TRPM2: variants seen among roughly 807,000 people sequenced by gnomAD.
TRPM2 encodes estrogen-responsive element-associated gene 1 protein.
In TRPM2, 161 loss-of-function variants were observed where a neutral mutation model predicts 174.0. The observed-to-expected ratio is 0.93, with a 90% CI of 0.81 to 1.05. TRPM2 has a LOEUF of 1.05. Among genes scored for constraint, TRPM2 ranks in the 50% least tolerant of loss-of-function variants. TRPM2 has a pLI of 0.00. For synonymous variants in TRPM2, 954 were observed against 861.3 expected, an observed-to-expected ratio of 1.11 and a Z score of -1.88; for missense variants, 2,057 against 2,038.0, an observed-to-expected ratio of 1.01 and a Z score of -0.18.
At chr21:44,408,143 C>G (rs1312943925) in intron 19 of TRPM2, among the ~76,000 whole-genome samples, 3 of 151,908 alleles carry the variant, frequency 2.0e-5, no homozygotes, top group African/African-American at 4.8e-5. Flanking sequence ...GATGGGGTTT[C>G]ACCATGTTGG....
At chr21:44,361,101 A>T (rs749030187) in intron 2 of TRPM2, among the ~76,000 whole-genome samples, 1 of 152,144 alleles carries the variant, frequency 6.6e-6, no homozygotes, top group Non-Finnish European at 1.5e-5. Context: ...TTCCCTCAGC[A>T]CAGCGCACTT....
rs1016110945 is a variant in TRPM2 at position 44,430,176 on chromosome 21, A to T, written c.3974+3065A>T. Among the ~76,000 whole-genome samples the T allele has an allele frequency of 2.6e-5, 4 of 152,304 alleles. No homozygotes were observed. In the South Asian group the frequency reaches 6.2e-4, roughly 24 times the overall value. ...TTACTAACATTTTACTTAAGATTTT[A>T]AAAAATCTGTGTTCAAAAGTGGAAT... On this transcript the variant is annotated intron_variant, in intron 27 of 31. Coordinates refer to ENST00000397928, the MANE Select transcript of TRPM2 (RefSeq NM_003307.4).
chr21:44,395,183 G>C (rs1322286824), intron 11 of TRPM2, among the ~76,000 whole-genome samples: 1 of 152,254 alleles, frequency 6.6e-6, no homozygotes, highest in African/African-American at 2.4e-5. Flanking sequence ...TGGTAAAGGA[G>C]TTAGACGGGC....
rs748349650 is a variant in TRPM2, at chr21:44,400,255, G to T, written c.2209-4G>T. The T allele has an allele frequency of 3.1e-6, 5 of 1,610,888 alleles. No homozygotes were observed. The highest frequency in any genetic ancestry group is 1.3e-5 in the African/African-American group (1 of 74,902). ...TGCCATCCTGAGACTGCCCCCATCC[G>T]CAGGCCTTCCTGACCAAGGTGTGGT... On this transcript the variant is annotated splice_polypyrimidine_tract_variant and splice_region_variant and intron_variant, in intron 14 of 31. Coordinates refer to ENST00000397928, the MANE Select transcript of TRPM2 (RefSeq NM_003307.4).
chr21:44,393,128 C>T (rs563910291), intron 11 of TRPM2, among the ~76,000 whole-genome samples: 39 of 152,272 alleles, frequency 2.6e-4, no homozygotes, highest in African/African-American at 9.4e-4. Context: ...GCCGTAATCT[C>T]CACCCTGATT....
At chr21:44,423,876 T>G in intron 23 of TRPM2, 144 bp downstream of exon 23, 1 of 717,108 alleles carries the variant, frequency 1.4e-6, no homozygotes, top group Non-Finnish European at 2.4e-6. Flanking sequence ...CATTCCCAGC[T>G]GGAAGAGGCA....
chr21:44,423,683 T>A lies in TRPM2; in HGVS notation c.3500T>A (p.Leu1167Gln). 1.2e-6 allele frequency: 2 copies of A among 1,613,014 alleles called. No homozygotes were observed. The highest frequency in any genetic ancestry group is 1.7e-6 in the Non-Finnish European group (2 of 1,179,842). ...AMVDLLDLDP[L>Q]KRSGSMEQRL... ...GTGGACCTGCTGGACCTGGACCCAC[T>A]GAAGAGGTCGGGCTCCATGGAGCAG... The change falls in exon 23 of 32, where the codon CTG (leucine) becomes CAG (glutamine). Residue 1167 changes from leucine to glutamine, a missense_variant. By Grantham distance (113) the Leu-to-Gln change is moderately radical (BLOSUM62 -2). Coordinates refer to ENST00000397928, the MANE Select transcript of TRPM2 (RefSeq NM_003307.4).
chr21:44,366,670 G>A lies in TRPM2; in HGVS notation c.424-84G>A. The A allele has an allele frequency of 6.3e-7, 1 of 1,590,136 alleles. No homozygotes were observed. Among genetic ancestry groups the A allele is most frequent in the Non-Finnish European group, 8.6e-7 (1 of 1,164,850 alleles). On this transcript the variant is annotated intron_variant, in intron 3 of 31. Transcript: ENST00000397928. The surrounding 1 kb of genome is among the most constrained non-coding windows in gnomAD (Gnocchi z 6.0). ...TGTGCGGTGTCTGCCGCCCGCTGGG[G>A]CCTCTCTGCATGGCCTGTGTGGGTC...
Position 44,405,986 on chromosome 21 carries a change from T to C in TRPM2, c.2739T>C (p.Ile913=), listed in dbSNP as rs1482239926. The C allele has an allele frequency of 6.2e-7, 1 of 1,608,954 alleles. No individual in the cohort carries two copies. Among genetic ancestry groups the C allele is most frequent in the Non-Finnish European group, 8.5e-7 (1 of 1,179,778 alleles). ...FILFCLRLMH[I]FTISKTLGPK... ...TGTTCTGCCTCCGGCTCATGCACAT[T>C]TTTACCATCAGTAAGACGCTGGGGC... Residue 913 remains isoleucine (I), a synonymous_variant, in exon 18 of 32, where the codon ATT becomes ATC. Coordinates refer to ENST00000397928, the MANE Select transcript of TRPM2 (RefSeq NM_003307.4).
intron 23 of TRPM2, among the ~76,000 whole-genome samples, chr21:44,424,574 G>C (rs2050681048): frequency 6.6e-6 from 1 of 152,214 alleles, no homozygotes; most frequent in South Asian, 2.1e-4. Flanking sequence ...GGCTTGTCCA[G>C]TGCAGTGACA....
At chr21:44,402,555 T>G (rs1294570617) in intron 16 of TRPM2, among the ~76,000 whole-genome samples, 1 of 152,050 alleles carries the variant, frequency 6.6e-6, no homozygotes, top group African/African-American at 2.4e-5. Flanking sequence ...GACCTCAGTC[T>G]CCAGCCCTCC....
chr21:44,350,669 G>A (rs2047915054), upstream of TRPM2, among the ~76,000 whole-genome samples: 1 of 146,826 alleles, frequency 6.8e-6, no homozygotes, highest in African/African-American at 2.5e-5. Flanking sequence ...TGCAGGGTGC[G>A]GTGGGGTGCA....
chr21:44,392,325 A>G (rs2049204131), intron 11 of TRPM2, among the ~76,000 whole-genome samples: 1 of 144,454 alleles, frequency 6.9e-6, no homozygotes, highest in Admixed American at 6.9e-5. Flanking sequence ...TGGTGCAATC[A>G]TGGCTCACCG....
At position 44,391,613 on chromosome 21, in the gene TRPM2, C is replaced by T. The variant is rs200702410; in HGVS notation, c.1782C>T (p.His594=). ...DRLRLLLPVP[H]VKLNVQGVSL... is the part of the protein sequence containing the mutation. ...TGCGGCTCCTGCTGCCCGTTCCCCA[C>T]GTCAAGCTCAACGTGCGTGCTGGTA... Residue 594 remains histidine (H), a synonymous_variant, in exon 11 of 32, where the codon CAC becomes CAT. Coordinates refer to ENST00000397928, the MANE Select transcript of TRPM2 (RefSeq NM_003307.4). This position sits in a 1 kb window ranked among gnomAD's most constrained non-coding sequence, Gnocchi z 5.0. 4.6e-3 allele frequency: 7,243 copies of T among 1,576,810 alleles called. 23 individuals are homozygous for T. The highest frequency in any genetic ancestry group is 5.9e-3 in the Non-Finnish European group (6,902 of 1,167,966).
At chr21:44,397,047 T>G (rs2146266027) in intron 12 of TRPM2, among the ~76,000 whole-genome samples, 1 of 151,470 alleles carries the variant, frequency 6.6e-6, no homozygotes, top group Non-Finnish European at 1.5e-5. Context: ...AAGGAATTTT[T>G]TTTTTTTTTG....
In TRPM2 at chr21:44,398,063, T is replaced by A. The variant is rs111782758; in HGVS notation, c.2062+187T>A. Among the ~76,000 whole-genome samples, 1,124 of 152,340 alleles carry A rather than the reference T, an allele frequency of 7.4e-3. 14 individuals carry two copies. The highest frequency in any genetic ancestry group is 0.026 in the African/African-American group (1,062 of 41,584). ...TCGGCCCTGTAACCACCCAGTGGGT[T>A]CGTCTTGCCTGCTGCTCAGATAGAG... On this transcript the variant is annotated intron_variant, in intron 13 of 31. Coordinates refer to ENST00000397928, the MANE Select transcript of TRPM2 (RefSeq NM_003307.4).
intron 9 of TRPM2, among the ~76,000 whole-genome samples, chr21:44,389,099 C>G (rs2049098515): frequency 6.6e-6 from 1 of 152,150 alleles, no homozygotes; most frequent in African/African-American, 2.4e-5. Flanking sequence ...CAGACTGGCT[C>G]TGGAAATCAT....
At chr21:44,430,047 C>T (rs2050970085) in intron 27 of TRPM2, among the ~76,000 whole-genome samples, 1 of 152,152 alleles carries the variant, frequency 6.6e-6, no homozygotes, top group South Asian at 2.1e-4. Context: ...TCCCCTTTAG[C>T]CAATTAGTGT....
chr21:44,426,736 AGT>A lies in TRPM2; in HGVS notation c.3872+2_3872+3del, dbSNP rs1393401042. The A allele has an allele frequency of 6.2e-7, 1 of 1,613,672 alleles. No homozygotes were observed. The highest frequency in any genetic ancestry group is 8.5e-7 in the Non-Finnish European group (1 of 1,179,950). ...GCGGCCGCCATGGACCCCATGGGAGAGTGAGTATGAGCCGCTGTCCGTGCTCC... is the reference window on the plus strand; with the variant it reads ...GCGGCCGCCATGGACCCCATGGGAGAGAGTATGAGCCGCTGTCCGTGCTCC... On this transcript the variant is annotated splice_donor_variant, in intron 26 of 31. Coordinates refer to ENST00000397928, the MANE Select transcript of TRPM2 (RefSeq NM_003307.4). LOFTEE classifies it high-confidence loss of function.
Sources: gnomAD v4.1 joint callset for allele counts (sites outside exome capture counted in the v4.1 genomes callset) on GRCh38, gnomAD v4.1.1 for gene constraint, Gnocchi (gnomAD v3.1) non-coding constraint, MANE v1.5 for transcripts, NCBI Gene and HGNC (gene_info 2026-07-23, HGNC 2026-07-21) for gene names.